Variants in AGAP1 observed in about 807,000 individuals in gnomAD.
AGAP1 encodes the protein ArfGAP with GTPase domain, ankyrin repeat and PH domain 1, also known as arf-GAP with GTPase, ANK repeat and PH domain-containing protein 1.
A neutral mutation model predicts 105.3 loss-of-function variants in AGAP1; 29 were observed. That is an observed-to-expected ratio of 0.28 (90% confidence interval 0.21 to 0.38). The LOEUF (loss-of-function observed/expected upper bound fraction) is 0.38. Ranked by LOEUF, AGAP1 falls within the 10% of genes least tolerant of loss-of-function variation. AGAP1 has a pLI of 1.00. For missense variants in AGAP1, 998 were observed against 1,165.1 expected (o/e 0.86, Z 2.09); for synonymous variants, 509 against 485.9 (o/e 1.05, Z -0.63).
chr2:235,745,563 A>G (rs1487053883), intron 5 of AGAP1, among the ~76,000 whole-genome samples: 2 of 152,258 alleles, frequency 1.3e-5, no homozygotes, highest in Admixed American at 6.5e-5. Flanking sequence ...CTGCTTTGTC[A>G]GAAATATGGG....
In AGAP1 at chr2:235,637,648, A is replaced by T. The variant is rs76461429; in HGVS notation, c.164-71531A>T. 6.6e-4 allele frequency among the ~76,000 whole-genome samples: 101 copies of T among 152,288 alleles called. No homozygotes were observed. The East Asian group carries it at 0.017, about 26-fold the overall frequency. ...GGACCAGTGGGCTGTATGTTTCAGA[A>T]CTTTACACATAGGAAGAGGAAGTAT... On this transcript the variant is annotated intron_variant, in intron 1 of 17. Coordinates refer to ENST00000304032, the MANE Select transcript of AGAP1 (RefSeq NM_001037131.3).
intron 1 of AGAP1, among the ~76,000 whole-genome samples, chr2:235,506,539 T>G (rs1240539055): frequency 1.3e-5 from 2 of 152,026 alleles, no homozygotes; most frequent in African/African-American, 2.4e-5. Flanking sequence ...AAAATTGAAC[T>G]GTGATGACTA....
intron 2 of AGAP1, among the ~76,000 whole-genome samples, chr2:235,710,481 T>C (rs1199399645): frequency 6.6e-6 from 1 of 152,126 alleles, no homozygotes; most frequent in African/African-American, 2.4e-5. Context: ...TGGGCCCATC[T>C]CCTTCCCGGT....
Position 235,872,731 on chromosome 2 carries a change from G to T in AGAP1, c.1051-10614G>T, listed in dbSNP as rs1452545755. ...GCCCAGACCAGTGGGGGCCACCTTA[G>T]TACCACTTCCTCCCTAAGGAAAGCG... On this transcript the variant is annotated intron_variant, in intron 9 of 17. Coordinates refer to ENST00000304032, the MANE Select transcript of AGAP1 (RefSeq NM_001037131.3). This position sits in a 1 kb window ranked among gnomAD's most constrained non-coding sequence, Gnocchi z 4.5. 2.6e-5 allele frequency among the ~76,000 whole-genome samples: 4 copies of T among 152,188 alleles called. No homozygotes were observed. Among genetic ancestry groups the T allele is most frequent in the Non-Finnish European group, 5.9e-5 (4 of 68,024 alleles).
chr2:236,070,708 T>C (rs555718239), intron 16 of AGAP1, among the ~76,000 whole-genome samples: 2 of 152,134 alleles, frequency 1.3e-5, no homozygotes, highest in South Asian at 4.2e-4. Context: ...TGTAATTACA[T>C]GAAATGGCCA....
In AGAP1 at chr2:235,612,203, C is replaced by T. The variant is rs555691626; in HGVS notation, c.164-96976C>T. On this transcript the variant is annotated intron_variant, in intron 1 of 17. Coordinates refer to ENST00000304032, the MANE Select transcript of AGAP1 (RefSeq NM_001037131.3). This position sits in a 1 kb window ranked among gnomAD's most constrained non-coding sequence, Gnocchi z 4.3. ...CCAGGTAACCTGCTGCTTGGGTGTA[C>T]GCTGGGCGGGTTCGCAGTGCTGGAA... Among the ~76,000 whole-genome samples, 11 of 152,254 alleles carry T rather than the reference C, an allele frequency of 7.2e-5. No homozygotes were observed. The highest frequency in any genetic ancestry group is 2.1e-4 in the South Asian group (1 of 4,824).
chr2:236,060,102 A>G (rs2058150802), intron 16 of AGAP1, among the ~76,000 whole-genome samples: 1 of 152,196 alleles, frequency 6.6e-6, no homozygotes, highest in Non-Finnish European at 1.5e-5. Context: ...AAACACACAC[A>G]CACACACAAA....
In AGAP1 at chr2:235,566,458, T is replaced by G. The variant is rs931109081; in HGVS notation, c.163+71609T>G. The G allele has an allele frequency of 1.9e-6, 1 of 512,956 alleles. No individual in the cohort carries two copies. The highest frequency in any genetic ancestry group is 2.5e-6 in the Non-Finnish European group (1 of 398,706). The allele number at this position is 512,956 out of a possible 1,614,324, so 31.8% of individuals were successfully genotyped here. A position where few individuals can be genotyped will look rare whatever the true frequency, so the allele number is the denominator to read the frequency against. ...GCTATTATTAACTCGAGATCAATATTGATTTACTGTTTTGTTTTTTTATTT... is the reference window on the plus strand; with the variant it reads ...GCTATTATTAACTCGAGATCAATATGGATTTACTGTTTTGTTTTTTTATTT... On this transcript the variant is annotated intron_variant, in intron 1 of 17. Transcript: ENST00000304032. This position sits in a 1 kb window ranked among gnomAD's most constrained non-coding sequence, Gnocchi z 5.2.
At chr2:235,658,343 G>A (rs760775627) in intron 1 of AGAP1, among the ~76,000 whole-genome samples, 1 of 152,238 alleles carries the variant, frequency 6.6e-6, no homozygotes, top group African/African-American at 2.4e-5. Context: ...AGGTCTGGAT[G>A]TGTTCAGAGA....
chr2:235,691,087 C>G lies in AGAP1; in HGVS notation c.164-18092C>G, dbSNP rs997509729. Among the ~76,000 whole-genome samples the G allele has an allele frequency of 6.6e-6, 1 of 152,128 alleles. No homozygotes were observed. The highest frequency in any genetic ancestry group is 1.5e-5 in the Non-Finnish European group (1 of 68,034). On this transcript the variant is annotated intron_variant, in intron 1 of 17. Transcript: ENST00000304032. This position sits in a 1 kb window ranked among gnomAD's most constrained non-coding sequence, Gnocchi z 4.4. ...GGTTGTAGACAAGATTCTACCCCCT[C>G]CTCCAGACTCTGCTCCCTAGGCCGA...
rs2058056911 is a variant in AGAP1 at position 236,056,567 on chromosome 2, C to T, written c.2114+7286C>T. Among the ~76,000 whole-genome samples, 1 of 152,206 alleles carries T rather than the reference C, an allele frequency of 6.6e-6. No homozygotes were observed. Among genetic ancestry groups the T allele is most frequent in the African/African-American group, 2.4e-5 (1 of 41,448 alleles). On this transcript the variant is annotated intron_variant, in intron 16 of 17. Transcript: ENST00000304032. The surrounding 1 kb of genome is among the most constrained non-coding windows in gnomAD (Gnocchi z 4.6). ...ACCTTTTTAGGCTTGAATTATATAA[C>T]ATGGGCCAATAAATATGGCCTCTAT... is the stretch of plus-strand genomic sequence containing the variant.
intron 16 of AGAP1, chr2:236,049,590 C>A: frequency 4.6e-6 from 1 of 215,420 alleles, no homozygotes; most frequent in African/African-American, 2.3e-5. Flanking sequence ...TAGGCATAAG[C>A]TGTGCCGTTA....
intron 1 of AGAP1, among the ~76,000 whole-genome samples, chr2:235,591,395 C>T (rs1472099096): frequency 6.6e-6 from 1 of 152,142 alleles, no homozygotes; most frequent in African/African-American, 2.4e-5. Flanking sequence ...AATGTGCTGC[C>T]CGGGTCTTGG....
At chr2:236,115,185 T>G (rs1480882840) in intron 16 of AGAP1, among the ~76,000 whole-genome samples, 1 of 152,224 alleles carries the variant, frequency 6.6e-6, no homozygotes, top group Admixed American at 6.5e-5. Flanking sequence ...TCCTGTGTGC[T>G]CACATAACAT....
intron 13 of AGAP1, among the ~76,000 whole-genome samples, chr2:236,021,927 C>T (rs768940706): frequency 1.3e-4 from 20 of 151,790 alleles, no homozygotes; most frequent in Middle Eastern, 3.4e-3. Flanking sequence ...GGTGTGGTGG[C>T]GCATGCCTGT....
At position 235,736,030 on chromosome 2, in the gene AGAP1, G is replaced by A. The variant is rs537835970; in HGVS notation, c.311-4933G>A. Among the ~76,000 whole-genome samples the A allele has an allele frequency of 6.6e-6, 1 of 152,042 alleles. No homozygotes were observed. Among genetic ancestry groups the A allele is most frequent in the African/African-American group, 2.4e-5 (1 of 41,486 alleles). On this transcript the variant is annotated intron_variant, in intron 3 of 17. Coordinates refer to ENST00000304032, the MANE Select transcript of AGAP1 (RefSeq NM_001037131.3). This position sits in a 1 kb window ranked among gnomAD's most constrained non-coding sequence, Gnocchi z 5.5. ...TAAGCTGAGGATTCCAGGTGATGCT[G>A]TTTACCTCCTGTGATATCCTTGTGT...
Position 235,901,880 on chromosome 2 carries a change from GAAA to G in AGAP1, c.1156-6845_1156-6843del, listed in dbSNP as rs57459227. 2.1e-5 allele frequency among the ~76,000 whole-genome samples: 3 copies of G among 145,924 alleles called. No homozygotes were observed. Among genetic ancestry groups the G allele is most frequent in the Admixed American group, 6.8e-5 (1 of 14,710 alleles). ...GGCGACAGAGTGAGACTCCGTCTCG[GAAA>G]AAAAAAAAAAAATTATGGAGGGACC... On this transcript the variant is annotated intron_variant, in intron 10 of 17. Coordinates refer to ENST00000304032, the MANE Select transcript of AGAP1 (RefSeq NM_001037131.3). The surrounding 1 kb of genome is among the most constrained non-coding windows in gnomAD (Gnocchi z 4.3).
Position 235,714,296 on chromosome 2 carries a change from G to T in AGAP1, c.223-3261G>T, listed in dbSNP as rs1189769447. On this transcript the variant is annotated intron_variant, in intron 2 of 17. Transcript: ENST00000304032. The surrounding 1 kb of genome is among the most constrained non-coding windows in gnomAD (Gnocchi z 4.1). The stretch of plus-strand genomic sequence containing the variant: ...CTCCCAAAGTGCTGGGATTACAGGC[G>T]TGAGCCACCATGCCCAGCCAGGGGT... Among the ~76,000 whole-genome samples, 1 of 152,052 alleles carries T rather than the reference G, an allele frequency of 6.6e-6. No homozygotes were observed. Among genetic ancestry groups the T allele is most frequent in the South Asian group, 2.1e-4 (1 of 4,824 alleles).
rs1234432431 is a variant in AGAP1, at chr2:235,927,991, AG to A, written c.1325-2772del. 1.3e-5 allele frequency among the ~76,000 whole-genome samples: 2 copies of A among 152,190 alleles called. No homozygotes were observed. Among genetic ancestry groups the A allele is most frequent in the Non-Finnish European group, 2.9e-5 (2 of 68,034 alleles). On this transcript the variant is annotated intron_variant, in intron 11 of 17. Transcript: ENST00000304032. The surrounding 1 kb of genome is among the most constrained non-coding windows in gnomAD (Gnocchi z 4.4). ...GTCTGATTGGGCATTGCAGTGTGGA[AG>A]GAATTACCTCCTTATCATCTTACCT...
Sources: allele counts gnomAD v4.1 joint callset (sites outside exome capture counted in the v4.1 genomes callset), GRCh38; gene constraint gnomAD v4.1.1; non-coding constraint Gnocchi (gnomAD v3.1); transcripts MANE v1.5; gene names NCBI Gene and HGNC (gene_info 2026-07-23, HGNC 2026-07-21).